Variants in GRHL1 observed in about 807,000 individuals in gnomAD.
The protein encoded by GRHL1 is grainyhead like transcription factor 1, also known as grainyhead-like protein 1 homolog.
GRHL1 carries 38 observed loss-of-function variants against 75.7 expected under a neutral mutation model. The observed-to-expected ratio is 0.50, with a 90% CI of 0.39 to 0.66. The LOEUF is 0.66. GRHL1 is among the 30% of genes least tolerant of loss of function. The probability of loss-of-function intolerance (pLI) is 0.00; values close to 1 mark genes in which losing one functional copy is unlikely to be tolerated. For synonymous variants in GRHL1, 266 were observed against 279.4 expected (o/e 0.95, Z 0.48); for missense variants, 589 against 767.5 (o/e 0.77, Z 2.75).
At position 9,990,804 on chromosome 2, in the gene GRHL1, C is replaced by T. The variant is rs550613205; in HGVS notation, c.1321+57C>T. On this transcript the variant is annotated intron_variant, in intron 10 of 15. Transcript: ENST00000324907. The surrounding 1 kb of genome is among the most constrained non-coding windows in gnomAD (Gnocchi z 4.2). ...TGCCTGTAAGTAGAAATGTTCCCGGCAAGCTTCAGACCTTTTCCATTGAGA... is the reference window on the plus strand; with the variant it reads ...TGCCTGTAAGTAGAAATGTTCCCGGTAAGCTTCAGACCTTTTCCATTGAGA... 1.4e-4 allele frequency: 199 copies of T among 1,395,476 alleles called. 1 individual carries two copies. The Admixed American group carries it at 3.6e-3, about 25-fold the overall frequency. The allele number at this position is 1,395,476 out of a possible 1,614,324, so 86.4% of individuals were successfully genotyped here. A position where few individuals can be genotyped will look rare whatever the true frequency, so the allele number is the denominator to read the frequency against.
intron 5 of GRHL1, among the ~76,000 whole-genome samples, chr2:9,962,947 C>T (rs887652167): frequency 2.6e-5 from 4 of 151,436 alleles, no homozygotes; most frequent in East Asian, 3.9e-4. Flanking sequence ...TAAATGAAGT[C>T]AACTTTTTTC....
At position 9,992,014 on chromosome 2, in the gene GRHL1, T is replaced by C; in HGVS notation, c.1329T>C (p.Asp443=). The C allele has an allele frequency of 1.3e-6, 2 of 1,590,802 alleles. No homozygotes were observed. The highest frequency in any genetic ancestry group is 1.7e-6 in the Non-Finnish European group (2 of 1,167,910). Residue 443 remains aspartate (D), a synonymous_variant, in exon 11 of 16, where the codon GAT becomes GAC. Coordinates refer to ENST00000324907, the MANE Select transcript of GRHL1 (RefSeq NM_198182.3). The surrounding 1 kb of genome is among the most constrained non-coding windows in gnomAD (Gnocchi z 4.6). ...AATTTTTTTTTTTTTCAGTTTCTGA[T>C]GTTAAAGTGCCACTGCTTCCCTCTC... The part of the protein sequence containing the change: ...ERKQSKRKVS[D]VKVPLLPSHK...
In GRHL1 at chr2:9,954,916, A is replaced by G. The variant is rs1226608066; in HGVS notation, c.22A>G (p.Lys8Glu). 1.2e-6 allele frequency: 2 copies of G among 1,612,520 alleles called. No homozygotes were observed. The highest frequency in any genetic ancestry group is 3.3e-5 in the Admixed American group (2 of 60,012). Residue 8 changes from lysine (K) to glutamate (E), a missense_variant and splice_region_variant, in exon 2 of 16, where the codon AAA (lysine) becomes GAA (glutamate). Transcript: ENST00000324907. MTQEYDN[K>E]RPVLVLQNEA... ...GTTTTTTTTTTAATTTCTCTGAAGCAAACGGCCAGTGTTGGTTCTTCAGAA... is the reference window on the plus strand; with the variant it reads ...GTTTTTTTTTTAATTTCTCTGAAGCGAACGGCCAGTGTTGGTTCTTCAGAA...
chr2:9,977,538 T>C (rs1667998624), intron 8 of GRHL1, among the ~76,000 whole-genome samples: 2 of 152,170 alleles, frequency 1.3e-5, no homozygotes, highest in African/African-American at 4.8e-5. Flanking sequence ...GCCAGGCTGG[T>C]CTCAAATTCC....
intron 3 of GRHL1, chr2:9,959,439 G>A (rs756013558): frequency 4.6e-5 from 7 of 152,288 alleles, no homozygotes; most frequent in Admixed American, 2.6e-4. Context: ...CCATTATCGT[G>A]ATGATTGCTT....
Position 9,961,152 on chromosome 2 carries a change from C to T in GRHL1, c.385C>T (p.Gln129Ter). 6.2e-7 allele frequency: 1 copy of T among 1,613,324 alleles called. No homozygotes were observed. The highest frequency in any genetic ancestry group is 8.5e-7 in the Non-Finnish European group (1 of 1,179,544). The change falls in exon 4 of 16, where the codon CAG becomes TAG. Residue 129 changes from glutamine to a stop codon, truncating the protein, a stop_gained. Coordinates refer to ENST00000324907, the MANE Select transcript of GRHL1 (RefSeq NM_198182.3). LOFTEE classifies it high-confidence loss of function. ...TAACATTGTCCTTCCCCATGGCAAC[C>T]AGCTGGGCATTGATAAGAGAGGCCA... ...PFNIVLPHGN[Q>*]LGIDKRGHLT...
chr2:9,996,163 A>C (rs1668853164), intron 13 of GRHL1, among the ~76,000 whole-genome samples, 153 bp from the exon 14 acceptor site: 1 of 152,236 alleles, frequency 6.6e-6, no homozygotes, highest in Admixed American at 6.5e-5. Context: ...TCCTTAAGAC[A>C]GAATTGATAT....
At position 9,987,227 on chromosome 2, in the gene GRHL1, CT is replaced by C. The variant is rs1046293594; in HGVS notation, c.1269+947del. Among the ~76,000 whole-genome samples the C allele has an allele frequency of 1.3e-5, 2 of 152,328 alleles. No homozygotes were observed. The highest frequency in any genetic ancestry group is 3.4e-3 in the Middle Eastern group (1 of 294). ...GCCTCATGTGATGCGCCCACTTTGGCTTCCCAAAGTGCTGGGATTACAGGTG... is the reference window on the plus strand; with the variant it reads ...GCCTCATGTGATGCGCCCACTTTGGCTCCCAAAGTGCTGGGATTACAGGTG... On this transcript the variant is annotated intron_variant, in intron 9 of 15. Transcript: ENST00000324907. The surrounding 1 kb of genome is among the most constrained non-coding windows in gnomAD (Gnocchi z 4.2).
At chr2:9,981,511 A>G (rs1668196124) in intron 8 of GRHL1, among the ~76,000 whole-genome samples, 1 of 152,228 alleles carries the variant, frequency 6.6e-6, no homozygotes, top group Non-Finnish European at 1.5e-5. Context: ...CGGGCCAGCT[A>G]GGTGCCTGCT....
At chr2:9,966,743 A>T (rs1280434424) in intron 8 of GRHL1, among the ~76,000 whole-genome samples, 1 of 151,944 alleles carries the variant, frequency 6.6e-6, no homozygotes, top group Non-Finnish European at 1.5e-5. Flanking sequence ...TTTCTTTCTT[A>T]TCGTTGTCAT....
intron 15 of GRHL1, among the ~76,000 whole-genome samples, chr2:9,999,486 C>T (rs919081584): frequency 1.3e-5 from 2 of 152,244 alleles, no homozygotes; most frequent in African/African-American, 2.4e-5. Flanking sequence ...CACGGTGCTG[C>T]GCTTGGTCTT....
intron 8 of GRHL1, among the ~76,000 whole-genome samples, chr2:9,976,242 C>T (rs371195975): frequency 4.1e-4 from 63 of 152,160 alleles, no homozygotes; most frequent in South Asian, 2.1e-4. Flanking sequence ...GCAGGTGACA[C>T]GAAGGAAGGG....
rs1161244906 is a variant in GRHL1 at position 9,972,456 on chromosome 2, A to ACCC, written c.1110+7075_1110+7076insCCC. On this transcript the variant is annotated intron_variant, in intron 8 of 15. Transcript: ENST00000324907. ...TGAACTTACCCAGCATAGCAATTTC[A>ACCC]AGGCGGCATGGGGGCTTGGAGTTCA... 7.9e-3 allele frequency among the ~76,000 whole-genome samples: 1,204 copies of ACCC among 152,198 alleles called. 10 individuals carry two copies. Among genetic ancestry groups the ACCC allele is most frequent in the African/African-American group, 0.028 (1,159 of 41,530 alleles).
intron 3 of GRHL1, 200 bp from the exon 4 acceptor site, chr2:9,960,846 C>A: frequency 1.9e-6 from 1 of 527,416 alleles, no homozygotes; most frequent in Non-Finnish European, 3.3e-6. Flanking sequence ...TGAAATTTTA[C>A]TTAATAGGTT....
chr2:9,955,038 G>A lies in GRHL1; in HGVS notation c.144G>A (p.Met48Ile). ...ENPLTAATKA[M>I]MSINGDEDSA... ...CTCTCACTGCAGCGACCAAAGCGAT[G>A]ATGAGCATCAATGGAGATGAAGACA... Residue 48 changes from methionine (M) to isoleucine (I), a missense_variant, in exon 2 of 16, where the codon ATG becomes ATA. Physicochemically the swap from Met to Ile is conservative, Grantham distance 10. Transcript: ENST00000324907. 3 of 1,613,862 alleles carry A rather than the reference G, an allele frequency of 1.9e-6. No individual in the cohort carries two copies. Among genetic ancestry groups the A allele is most frequent in the Non-Finnish European group, 1.7e-6 (2 of 1,179,720 alleles).
Position 9,995,959 on chromosome 2 carries a change from A to C in GRHL1, c.1580A>C (p.Glu527Ala), listed in dbSNP as rs752542877. Reference protein sequence around the residue: ...PPSTKLARIEEPKRVLLYVRK... With the variant: ...PPSTKLARIEAPKRVLLYVRK... The stretch of plus-strand genomic sequence containing the variant: ...TCTACCAAGCTGGCCCGGATAGAAG[A>C]ACCAAAGAGAGGTGTGTTCGTTTCC... The change falls in exon 13 of 16, where the codon GAA becomes GCA. Residue 527 changes from glutamate to alanine, a missense_variant. Physicochemically the swap from Glu to Ala is moderately radical, Grantham distance 107. This residue lies in a region of GRHL1 where 192 missense variants were observed against 226.6 expected (regional missense o/e 0.85). Transcript: ENST00000324907. The C allele has an allele frequency of 2.5e-6, 4 of 1,596,210 alleles. No individual in the cohort carries two copies. The Admixed American group carries it at 5.0e-5, about 20-fold the overall frequency.
chr2:9,958,891 G>C (rs758142861), intron 3 of GRHL1, 35 bp downstream of exon 3: 4 of 1,605,820 alleles, frequency 2.5e-6, no homozygotes, highest in Non-Finnish European at 1.7e-6. Context: ...AAAGAGTGCA[G>C]GGGGAAATGC....
intron 8 of GRHL1, among the ~76,000 whole-genome samples, chr2:9,976,139 C>T (rs930142869): frequency 1.3e-5 from 2 of 152,132 alleles, no homozygotes; most frequent in East Asian, 1.9e-4. Flanking sequence ...TGGCCAGGCA[C>T]TGCCAAGATG....
At chr2:9,957,599 C>T (rs1042175632) in intron 2 of GRHL1, among the ~76,000 whole-genome samples, 4 of 151,790 alleles carry the variant, frequency 2.6e-5, no homozygotes, top group East Asian at 2.0e-4. Flanking sequence ...TTAGTAGAGA[C>T]GGGGTTTTAA....
Sources: allele counts gnomAD v4.1 joint callset (sites outside exome capture counted in the v4.1 genomes callset), GRCh38; gene constraint gnomAD v4.1.1; regional missense constraint gnomAD v4.1.1; non-coding constraint Gnocchi (gnomAD v3.1); transcripts MANE v1.5; gene names NCBI Gene and HGNC (gene_info 2026-07-23, HGNC 2026-07-21).